OR10J1: variants seen among roughly 807,000 people sequenced by gnomAD.
The protein encoded by OR10J1 is olfactory receptor 10J1.
For synonymous variants in OR10J1, 202 were observed against 143.8 expected (o/e 1.40, Z -2.89); for missense variants, 474 against 376.6 (o/e 1.26, Z -2.14).
At chr1:159,424,717 G>GA in the OR10J1 span, among the ~76,000 whole-genome samples, 2 of 151,962 alleles carry the variant, frequency 1.3e-5, no homozygotes, top group African/African-American at 4.8e-5. Flanking sequence ...AAAAAGTTAG[G>GA]AAATAAGAGA....
the OR10J1 span, among the ~76,000 whole-genome samples, chr1:159,425,424 G>A: frequency 4.6e-5 from 7 of 151,930 alleles, no homozygotes; most frequent in Non-Finnish European, 1.0e-4. Context: ...ATAACTAGAA[G>A]GCTAAATAAA....
At chr1:159,420,921 G>T in the OR10J1 span, among the ~76,000 whole-genome samples, 6 of 152,014 alleles carry the variant, frequency 3.9e-5, no homozygotes, top group Non-Finnish European at 7.4e-5. Context: ...TGAGACTCCT[G>T]TATCTTGATG....
the OR10J1 span, among the ~76,000 whole-genome samples, chr1:159,430,395 A>T: frequency 6.6e-6 from 1 of 152,130 alleles, no homozygotes; most frequent in Non-Finnish European, 1.5e-5. Context: ...CAAGTGAAGA[A>T]ATTGAGGCCT....
At chr1:159,412,904 T>C in the OR10J1 span, among the ~76,000 whole-genome samples, 1 of 151,626 alleles carries the variant, frequency 6.6e-6, no homozygotes, top group Non-Finnish European at 1.5e-5. Flanking sequence ...ACAGGCAACC[T>C]ACAACATGGG....
the OR10J1 span, chr1:159,406,152 G>T: frequency 2.0e-6 from 1 of 488,546 alleles, no homozygotes; most frequent in Non-Finnish European, 4.1e-6. Flanking sequence ...CATGTAGCAG[G>T]TCTCAGAGAT....
chr1:159,440,622 C>A lies in OR10J1; in HGVS notation c.831C>A (p.Tyr277Ter). 1 of 1,613,976 alleles carries A rather than the reference C, an allele frequency of 6.2e-7. No homozygotes were observed. The highest frequency in any genetic ancestry group is 2.2e-5 in the East Asian group (1 of 44,876). ...REHDQLISVT[Y>*]TVITPLLNPV... ...ATGACCAGCTGATCTCGGTGACCTA[C>A]ACTGTCATCACTCCCCTACTGAACC... Residue 277 changes from tyrosine to a stop codon, truncating the protein, a stop_gained, in exon 1 of 1, where the codon TAC becomes TAA. Transcript: ENST00000423932. LOFTEE classifies it low-confidence loss of function (END_TRUNC).
the OR10J1 span, among the ~76,000 whole-genome samples, chr1:159,428,218 G>A: frequency 6.6e-6 from 1 of 152,088 alleles, no homozygotes; most frequent in Non-Finnish European, 1.5e-5. Context: ...ATAAAAATCA[G>A]AACAGAAAAG....
At chr1:159,435,019 A>G (rs1423980539), upstream of OR10J1, among the ~76,000 whole-genome samples, 1 of 152,182 alleles carries the variant, frequency 6.6e-6, no homozygotes, top group Non-Finnish European at 1.5e-5. Flanking sequence ...CCTATGTTCC[A>G]GTAAAAGGAA....
chr1:159,409,974 G>T, the OR10J1 span, among the ~76,000 whole-genome samples: 1 of 151,936 alleles, frequency 6.6e-6, no homozygotes, highest in Non-Finnish European at 1.5e-5. Flanking sequence ...TTTTGTCTTT[G>T]GTTCTGTTTA....
the OR10J1 span, among the ~76,000 whole-genome samples, chr1:159,404,652 C>A: frequency 1.3e-5 from 2 of 152,070 alleles, no homozygotes; most frequent in African/African-American, 4.8e-5. Flanking sequence ...CCAATGAAGA[C>A]CATGATTTTT....
At chr1:159,408,414 A>G in the OR10J1 span, among the ~76,000 whole-genome samples, 4 of 142,208 alleles carry the variant, frequency 2.8e-5, no homozygotes, top group South Asian at 2.4e-4. Context: ...GAATTGAACA[A>G]TGAGAACACA....
chr1:159,439,602 G>A (rs565256950), upstream of OR10J1: 560 of 681,718 alleles, frequency 8.2e-4, 9 homozygotes, highest in African/African-American at 8.8e-3. Context: ...ATAACAGATG[G>A]TCACAGAGTA....
chr1:159,428,726 A>G, the OR10J1 span, among the ~76,000 whole-genome samples: 7 of 152,180 alleles, frequency 4.6e-5, no homozygotes, highest in Non-Finnish European at 1.0e-4. Context: ...GAGCTCAAGT[A>G]CTTCCAGTTT....
the OR10J1 span, among the ~76,000 whole-genome samples, chr1:159,418,337 G>T: frequency 6.6e-6 from 1 of 152,202 alleles, no homozygotes; most frequent in Admixed American, 6.5e-5. Flanking sequence ...GGTTTCCTGG[G>T]CCAGCTCCAG....
upstream of OR10J1, among the ~76,000 whole-genome samples, chr1:159,436,121 T>G (rs1655731098): frequency 6.6e-6 from 1 of 152,090 alleles, no homozygotes; most frequent in African/African-American, 2.4e-5. Flanking sequence ...AGTTCTCCAT[T>G]TCTACAGTCT....
chr1:159,432,896 G>T, upstream of OR10J1: 1 of 423,110 alleles, frequency 2.4e-6, no homozygotes, highest in Admixed American at 4.0e-5. Context: ...GATTGCATCA[G>T]CTGAGGGCAG....
chr1:159,403,444 A>C, the OR10J1 span, among the ~76,000 whole-genome samples: 3 of 152,142 alleles, frequency 2.0e-5, no homozygotes, highest in African/African-American at 7.2e-5. Flanking sequence ...CTGATCAAAA[A>C]TAGGCAAAAG....
chr1:159,399,669 T>C, the OR10J1 span, among the ~76,000 whole-genome samples: 1 of 124,846 alleles, frequency 8.0e-6, no homozygotes, highest in African/African-American at 3.0e-5. Flanking sequence ...CACCTGAAAA[T>C]AGAAAATTTA....
chr1:159,436,871 C>G (rs72715662), upstream of OR10J1, among the ~76,000 whole-genome samples: 16,707 of 152,140 alleles, frequency 0.11, 1,154 homozygotes, highest in Admixed American at 0.15. Flanking sequence ...ACTGTCTCCT[C>G]CCTGTCTCAC....
Sources: gnomAD v4.1 joint callset for allele counts (sites outside exome capture counted in the v4.1 genomes callset) on GRCh38, gnomAD v4.1.1 for gene constraint, MANE v1.5 for transcripts, NCBI Gene and HGNC (gene_info 2026-07-23, HGNC 2026-07-21) for gene names.